The following MZF1 variants were observed in gnomAD, a reference collection of about 807,000 sequenced individuals.
MZF1 encodes zinc finger and SCAN domain-containing protein 6.
In MZF1, 24 loss-of-function variants were observed where a neutral mutation model predicts 28.6. The ratio of observed to expected loss-of-function variants is 0.84; its 90% CI spans 0.61 to 1.18. The LOEUF is 1.18. Among genes scored for constraint, MZF1 ranks in the 50% most tolerant of loss-of-function variants. The probability of loss-of-function intolerance (pLI) is 0.00; values close to 1 mark genes in which losing one functional copy is unlikely to be tolerated. For missense variants in MZF1, 1,166 were observed against 1,026.4 expected (o/e 1.14, Z -1.86); for synonymous variants, 516 against 432.5 (o/e 1.19, Z -2.40).
chr19:58,569,494 C>T, intron 4 of MZF1, 22 bp downstream of exon 4: 2 of 1,612,810 alleles, frequency 1.2e-6, no homozygotes, highest in Non-Finnish European at 1.7e-6. Flanking sequence ...AGGAGGAGAA[C>T]ATGGACCTGG....
At chr19:58,570,155 G>A in intron 3 of MZF1, 189 bp downstream of exon 3, 1 of 588,348 alleles carries the variant, frequency 1.7e-6, no homozygotes. Flanking sequence ...CTTGGTGTGT[G>A]AGGGGTAGTG....
chr19:58,572,849 C>G (rs779650295), intron 1 of MZF1: 1 of 312,486 alleles, frequency 3.2e-6, no homozygotes, highest in South Asian at 2.3e-5. Flanking sequence ...GCCTAGGCAA[C>G]CGGGGGCGGG....
rs371153551 is a variant in MZF1, at chr19:58,563,411, G to C, written c.866C>G (p.Ser289Cys). 1 of 1,595,122 alleles carries C rather than the reference G, an allele frequency of 6.3e-7. No individual in the cohort carries two copies. The highest frequency in any genetic ancestry group is 1.3e-5 in the African/African-American group (1 of 74,500). The part of the protein sequence containing the change: ...VPWDLGMAGL[S>C]GQIQSPSREG... ...GCGGGAGGGTGATTGGATCTGGCCA[G>C]AAAGGCCAGCCATGCCGAGGTCCCA... Residue 289 changes from serine to cysteine, a missense_variant, in exon 6 of 6, where the codon TCT (serine) becomes TGT (cysteine). Physicochemically the swap from Ser to Cys is moderately radical, Grantham distance 112 (BLOSUM62 -1). Coordinates refer to ENST00000215057, the MANE Select transcript of MZF1 (RefSeq NM_198055.2).
chr19:58,570,879 G>C, intron 2 of MZF1, 115 bp downstream of exon 2: 1 of 1,194,400 alleles, frequency 8.4e-7, no homozygotes, highest in Non-Finnish European at 1.2e-6. Context: ...GTTGCAGGTG[G>C]CCACTTCTGT....
In MZF1 at chr19:58,562,488, A is replaced by G. The variant is rs766265707; in HGVS notation, c.1789T>C (p.Phe597Leu). Residue 597 changes from phenylalanine to leucine, a missense_variant, in exon 6 of 6, where the codon TTT (phenylalanine) becomes CTT (leucine). Physicochemically the swap from Phe to Leu is conservative, Grantham distance 22. Transcript: ENST00000215057. Reference protein sequence around the residue: ...HLRVHTGEKPFACPECGQRFS... With the variant: ...HLRVHTGEKPLACPECGQRFS... Reference sequence around the variant, plus strand: ...CGCTGGCCACACTCGGGGCAGGCAAAGGGTTTCTCGCCCGTGTGTACGCGG... The same window carrying G: ...CGCTGGCCACACTCGGGGCAGGCAAGGGGTTTCTCGCCCGTGTGTACGCGG... 3 of 1,610,412 alleles carry G rather than the reference A, an allele frequency of 1.9e-6. No individual in the cohort carries two copies. Among genetic ancestry groups the G allele is most frequent in the Non-Finnish European group, 2.5e-6 (3 of 1,179,300 alleles).
chr19:58,565,367 T>C (rs2054027603), intron 5 of MZF1, among the ~76,000 whole-genome samples: 1 of 147,166 alleles, frequency 6.8e-6, no homozygotes, highest in Admixed American at 6.7e-5. Flanking sequence ...GTGCTGGGAT[T>C]GCAGGCGTGA....
rs1363270477 is a variant in MZF1 at position 58,563,010 on chromosome 19, G to A, written c.1267C>T (p.Arg423Cys). The change falls in exon 6 of 6, where the codon CGC becomes TGC. Residue 423 changes from arginine (R) to cysteine (C), a missense_variant. Transcript: ENST00000215057. ...VCGDCGQGFV[R>C]SARLEEHRRV... Reference sequence around the variant, plus strand: ...CGATGCTCTTCCAGGCGCGCGCTGCGCACGAAGCCCTGGCCACAGTCGCCG... The same window carrying A: ...CGATGCTCTTCCAGGCGCGCGCTGCACACGAAGCCCTGGCCACAGTCGCCG... 1 of 1,601,958 alleles carries A rather than the reference G, an allele frequency of 6.2e-7. No homozygotes were observed. Among genetic ancestry groups the A allele is most frequent in the Non-Finnish European group, 8.5e-7 (1 of 1,179,684 alleles).
chr19:58,563,218 AAC>A lies in MZF1; in HGVS notation c.1057_1058del (p.Val353Ter). The part of the protein sequence containing the change: ...RGRPSTGGGV[V>X]RGGRCDVCGK... ...CACATACATCGCAACGGCCGCCCCT[AAC>A]CACCCCGCCCCCAGTGCTGGGGCGG... On this transcript the variant is annotated frameshift_variant, in exon 6 of 6. Transcript: ENST00000215057. LOFTEE classifies it low-confidence loss of function (END_TRUNC). The A allele has an allele frequency of 6.2e-7, 1 of 1,610,758 alleles. No individual in the cohort carries two copies.
At chr19:58,565,593 C>T (rs1198712120) in intron 5 of MZF1, among the ~76,000 whole-genome samples, 4 of 151,678 alleles carry the variant, frequency 2.6e-5, no homozygotes, top group Admixed American at 6.6e-5. Context: ...AGTGTAGTGG[C>T]GCCATCTCAG....
chr19:58,568,729 A>C (rs925888534), intron 5 of MZF1: 2 of 152,970 alleles, frequency 1.3e-5, no homozygotes, highest in Non-Finnish European at 2.9e-5. Context: ...AGGAACAGGA[A>C]GGAACATAAC....
chr19:58,563,087 G>C lies in MZF1; in HGVS notation c.1190C>G (p.Ser397Trp), dbSNP rs949981061. The C allele has an allele frequency of 1.2e-5, 20 of 1,604,426 alleles. No homozygotes were observed. The highest frequency in any genetic ancestry group is 1.7e-4 in the Middle Eastern group (1 of 5,968). ...SECGRSFSRS[S>W]HLLRHQLTHT... ...CGTAAGCTGGTGGCGCAGCAGGTGC[G>C]AGCTGCGGCTGAAGCTGCGGCCGCA... Residue 397 changes from serine (S) to tryptophan (W), a missense_variant, in exon 6 of 6, where the codon TCG (serine) becomes TGG (tryptophan). Coordinates refer to ENST00000215057, the MANE Select transcript of MZF1 (RefSeq NM_198055.2).
chr19:58,571,301 T>C lies in MZF1; in HGVS notation c.89A>G (p.Glu30Gly). 6.2e-7 allele frequency: 1 copy of C among 1,614,040 alleles called. No homozygotes were observed. The highest frequency in any genetic ancestry group is 1.1e-5 in the South Asian group (1 of 91,072). The change falls in exon 2 of 6, where the codon GAG (glutamate) becomes GGG (glycine). Residue 30 changes from glutamate (E) to glycine (G), a missense_variant. By Grantham distance (98) the Glu-to-Gly change is moderately conservative (BLOSUM62 -2). Coordinates refer to ENST00000215057, the MANE Select transcript of MZF1 (RefSeq NM_198055.2). ...VMVKLEDSEE[E>G]GEAALWDPGP... ...TGGGTCCCATAAGGCAGCCTCACCC[T>C]CCTCCTCAGAGTCCTCTAGCTTCAC...
Position 58,562,515 on chromosome 19 carries a change from G to A in MZF1, c.1762C>T (p.Leu588Phe), listed in dbSNP as rs763744696. 3 of 1,609,946 alleles carry A rather than the reference G, an allele frequency of 1.9e-6. No individual in the cohort carries two copies. Among genetic ancestry groups the A allele is most frequent in the South Asian group, 1.1e-5 (1 of 90,630 alleles). ...GGTTTCTCGCCCGTGTGTACGCGGA[G>A]ATGCTGCGTGAGCGTAGGCCGCTGG... ...FRQRPTLTQHLRVHTGEKPFA... is the reference protein window; with the variant it reads ...FRQRPTLTQHFRVHTGEKPFA... Residue 588 changes from leucine to phenylalanine, a missense_variant, in exon 6 of 6, where the codon CTC becomes TTC. Coordinates refer to ENST00000215057, the MANE Select transcript of MZF1 (RefSeq NM_198055.2).
At position 58,562,360 on chromosome 19, in the gene MZF1, C is replaced by T. The variant is rs1205497295; in HGVS notation, c.1917G>A (p.Arg639=). The T allele has an allele frequency of 2.5e-6, 4 of 1,607,850 alleles. No individual in the cohort carries two copies. The highest frequency in any genetic ancestry group is 1.7e-5 in the Admixed American group (1 of 59,108). ...TGTGGATGCGCTGGTGCTCGGTGAG[C>T]CGCGAGACCTGCGTGAAGCCCAGGC... The part of the protein sequence containing the change: ...ECGLGFTQVS[R]LTEHQRIHTG... Residue 639 remains arginine, a synonymous_variant, in exon 6 of 6, where the codon CGG becomes CGA. Transcript: ENST00000215057.
rs1197600909 is a variant in MZF1 at position 58,571,163 on chromosome 19, T to C, written c.227A>G (p.Glu76Gly). Reference sequence around the variant, plus strand: ...CAGCATCTGCTCCTTGGAGCGTACCTCTGGACGCAGCCACTGGCGACACAG... The same window carrying C: ...CAGCATCTGCTCCTTGGAGCGTACCCCTGGACGCAGCCACTGGCGACACAG... ...RELCRQWLRP[E>G]VRSKEQMLEL... The change falls in exon 2 of 6, where the codon GAG becomes GGG. Residue 76 changes from glutamate (E) to glycine (G), a missense_variant. By Grantham distance (98) the Glu-to-Gly change is moderately conservative. Coordinates refer to ENST00000215057, the MANE Select transcript of MZF1 (RefSeq NM_198055.2). 2 of 1,613,928 alleles carry C rather than the reference T, an allele frequency of 1.2e-6. No individual in the cohort carries two copies. The highest frequency in any genetic ancestry group is 1.7e-6 in the Non-Finnish European group (2 of 1,179,948).
intron 2 of MZF1, 176 bp from the exon 3 acceptor site, chr19:58,570,703 C>T (rs1269308233): frequency 2.8e-6 from 2 of 710,504 alleles, no homozygotes; most frequent in African/African-American, 1.8e-5. Context: ...ATGAAGGGAC[C>T]ACCTGCAGTC....
intron 3 of MZF1, 92 bp downstream of exon 3, chr19:58,570,252 C>T (rs1283462392): frequency 1.5e-6 from 2 of 1,352,090 alleles, no homozygotes; most frequent in Non-Finnish European, 2.0e-6. Context: ...TTATAACAAA[C>T]CTGGCCCAGT....
At chr19:58,572,248 C>G (rs926886398) in intron 1 of MZF1, among the ~76,000 whole-genome samples, 2 of 152,160 alleles carry the variant, frequency 1.3e-5, no homozygotes, top group Admixed American at 6.5e-5. Flanking sequence ...CTCACTCCAC[C>G]TAATCCTCCA....
intron 1 of MZF1, chr19:58,572,584 C>T (rs774207586): frequency 7.8e-7 from 1 of 1,289,710 alleles, no homozygotes; most frequent in South Asian, 1.2e-5. Flanking sequence ...GCAGCTGCGG[C>T]TTTAGGAAGG....
Sources: allele counts gnomAD v4.1 joint callset (sites outside exome capture counted in the v4.1 genomes callset), GRCh38; gene constraint gnomAD v4.1.1; transcripts MANE v1.5; gene names NCBI Gene and HGNC (gene_info 2026-07-23, HGNC 2026-07-21).